Variants in FMN1 observed in about 807,000 individuals in gnomAD.
The protein encoded by FMN1 is formin 1.
In FMN1, 110 loss-of-function variants were observed where a neutral mutation model predicts 132.4. That is an observed-to-expected ratio of 0.83 (90% CI 0.71 to 0.97). The LOEUF is 0.97. Among genes scored for constraint, FMN1 ranks in the 50% least tolerant of loss-of-function variants. The probability of loss-of-function intolerance (pLI) is 0.00; values close to 1 mark genes in which losing one functional copy is unlikely to be tolerated. For missense variants in FMN1, 1,792 were observed against 1,705.3 expected (o/e 1.05, Z -0.90); for synonymous variants, 722 against 651.7 (o/e 1.11, Z -1.64).
chr15:32,921,915 C>T (rs566688745), intron 10 of FMN1, among the ~76,000 whole-genome samples: 2 of 152,228 alleles, frequency 1.3e-5, no homozygotes, highest in African/African-American at 4.8e-5. Context: ...TCAAGCAATC[C>T]ACCTGCCTTG....
At chr15:33,000,169 G>C (rs1224132587) in intron 7 of FMN1, among the ~76,000 whole-genome samples, 1 of 152,220 alleles carries the variant, frequency 6.6e-6, no homozygotes, top group Non-Finnish European at 1.5e-5. Context: ...GGAGGCAGTG[G>C]CTGGACGTGA....
At chr15:32,880,371 CTCT>C (rs1283122116) in intron 16 of FMN1, among the ~76,000 whole-genome samples, 7 of 152,090 alleles carry the variant, frequency 4.6e-5, no homozygotes, top group African/African-American at 1.7e-4. Context: ...TGTATAAAAT[CTCT>C]TGTCCAAACG....
chr15:32,993,513 G>A (rs1261423559), intron 7 of FMN1, among the ~76,000 whole-genome samples: 1 of 151,324 alleles, frequency 6.6e-6, no homozygotes, highest in Non-Finnish European at 1.5e-5. Context: ...TTCTGGTGGT[G>A]TGTATATCAA....
chr15:32,814,625 A>G (rs2057993950), intron 17 of FMN1, among the ~76,000 whole-genome samples: 1 of 152,220 alleles, frequency 6.6e-6, no homozygotes, highest in Non-Finnish European at 1.5e-5. Context: ...GGGGTTTACA[A>G]TCACAAGGCT....
intron 5 of FMN1, among the ~76,000 whole-genome samples, chr15:33,080,826 G>C (rs996668354): frequency 6.6e-6 from 1 of 152,008 alleles, no homozygotes; most frequent in Non-Finnish European, 1.5e-5. Flanking sequence ...GGCGGAGGTT[G>C]CGGTGAGCTG....
At chr15:32,968,336 C>A (rs2031440737) in intron 8 of FMN1, among the ~76,000 whole-genome samples, 1 of 152,170 alleles carries the variant, frequency 6.6e-6, no homozygotes, top group South Asian at 2.1e-4. Context: ...AAAAAGAATT[C>A]TAAAAATCCT....
intron 16 of FMN1, among the ~76,000 whole-genome samples, chr15:32,868,385 C>T (rs76919185): frequency 0.013 from 1,992 of 152,144 alleles, 27 homozygotes; most frequent in African/African-American, 0.046. Context: ...GGGACTGTAA[C>T]AGTATAGAAA....
intron 16 of FMN1, among the ~76,000 whole-genome samples, chr15:32,876,007 A>C (rs921605148): frequency 1.3e-5 from 2 of 152,124 alleles, no homozygotes; most frequent in African/African-American, 4.8e-5. Context: ...GGGAGGATGA[A>C]GCACCATAGG....
intron 4 of FMN1, among the ~76,000 whole-genome samples, chr15:33,103,297 G>A (rs2039363344): frequency 1.3e-5 from 2 of 152,122 alleles, no homozygotes; most frequent in South Asian, 4.2e-4. Context: ...AAGAGACCTT[G>A]GCAATTTGTT....
intron 6 of FMN1, among the ~76,000 whole-genome samples, chr15:33,021,464 G>GAC (rs374645811): frequency 2.0e-5 from 3 of 151,926 alleles, no homozygotes; most frequent in Non-Finnish European, 4.4e-5. Context: ...CACACACACA[G>GAC]AGAAAAAGGT....
At chr15:33,015,516 TCA>T (rs1255826886) in intron 6 of FMN1, among the ~76,000 whole-genome samples, 1 of 152,156 alleles carries the variant, frequency 6.6e-6, no homozygotes, top group Non-Finnish European at 1.5e-5. Flanking sequence ...CTCCACCGCA[TCA>T]CACACGCACA....
At chr15:32,879,728 T>A (rs1034440520) in intron 16 of FMN1, among the ~76,000 whole-genome samples, 6 of 152,138 alleles carry the variant, frequency 3.9e-5, no homozygotes, top group African/African-American at 2.4e-5. Flanking sequence ...TGGTTTATCA[T>A]GTGATAAGAG....
intron 16 of FMN1, among the ~76,000 whole-genome samples, chr15:32,875,091 A>G (rs1015533522): frequency 6.6e-6 from 1 of 152,238 alleles, no homozygotes; most frequent in Admixed American, 6.5e-5. Context: ...GAAAACAACA[A>G]CAAATTTTCA....
At chr15:33,165,554 C>T (rs533995185) in intron 3 of FMN1, among the ~76,000 whole-genome samples, 8 of 152,104 alleles carry the variant, frequency 5.3e-5, no homozygotes, top group Non-Finnish European at 1.2e-4. Context: ...CCACGCCCGG[C>T]TAATTTTTTT....
At position 32,862,068 on chromosome 15, in the gene FMN1, C is replaced by T. The variant is rs531468540; in HGVS notation, c.3836-4961G>A. On this transcript the variant is annotated intron_variant, in intron 16 of 20. Transcript: ENST00000616417. ...CCACAGAGCCACGCGCCCCGGAGGC[C>T]AGGCAGCTTGCCTGCTCCAATTTAT... 1.8e-4 allele frequency among the ~76,000 whole-genome samples: 28 copies of T among 152,270 alleles called. No homozygotes were observed. In the South Asian group the frequency reaches 5.6e-3, roughly 30 times the overall value.
chr15:32,785,341 G>C (rs1489471069), intron 19 of FMN1, among the ~76,000 whole-genome samples: 2 of 148,826 alleles, frequency 1.3e-5, no homozygotes, highest in African/African-American at 5.0e-5. Context: ...ACAGGTGTAA[G>C]CCATCAAGCC....
At chr15:32,846,565 T>C (rs1283993616) in intron 17 of FMN1, among the ~76,000 whole-genome samples, 1 of 152,210 alleles carries the variant, frequency 6.6e-6, no homozygotes, top group East Asian at 1.9e-4. Context: ...AAACAATAGA[T>C]GCTGGTGAGG....
intron 3 of FMN1, among the ~76,000 whole-genome samples, chr15:33,178,812 A>T (rs1965601625): frequency 6.6e-6 from 1 of 152,326 alleles, no homozygotes; most frequent in Admixed American, 6.5e-5. Flanking sequence ...ATAGAATCCC[A>T]ATACACCCTG....
intron 10 of FMN1, among the ~76,000 whole-genome samples, chr15:32,920,960 A>G (rs2060805993): frequency 1.3e-5 from 2 of 152,176 alleles, no homozygotes; most frequent in Non-Finnish European, 2.9e-5. Flanking sequence ...TTCTTTATTC[A>G]TTCAACAGGC....
Sources: gnomAD v4.1 joint callset for allele counts (sites outside exome capture counted in the v4.1 genomes callset) on GRCh38, gnomAD v4.1.1 for gene constraint, MANE v1.5 for transcripts, NCBI Gene and HGNC (gene_info 2026-07-23, HGNC 2026-07-21) for gene names.